Variants in CPXM2 observed in about 807,000 individuals in gnomAD.
CPXM2 encodes carboxypeptidase X, M14 family member 2, also known as inactive carboxypeptidase-like protein X2.
A neutral mutation model predicts 86.1 loss-of-function variants in CPXM2; 66 were observed. The ratio of observed to expected loss-of-function variants is 0.77; its 90% CI spans 0.63 to 0.94. CPXM2 has a LOEUF of 0.94. CPXM2 is among the 40% of genes least tolerant of loss of function. CPXM2 has a pLI of 0.00. For synonymous variants in CPXM2, 388 were observed against 400.2 expected, an observed-to-expected ratio of 0.97 and a Z score of 0.36; for missense variants, 948 against 1,026.3, an observed-to-expected ratio of 0.92 and a Z score of 1.04.
chr10:123,884,408 G>A (rs1043525494), intron 1 of CPXM2, among the ~76,000 whole-genome samples: 3 of 152,180 alleles, frequency 2.0e-5, no homozygotes, highest in African/African-American at 2.4e-5. Context: ...AGTGAGAAAC[G>A]CCTGCTCTGT....
At chr10:123,922,888 C>T (rs1214595642) in intron 2 of CPXM2, among the ~76,000 whole-genome samples, 3 of 152,224 alleles carry the variant, frequency 2.0e-5, no homozygotes, top group Non-Finnish European at 4.4e-5. Flanking sequence ...GCCAACGTAT[C>T]ACCCACAGAT....
chr10:123,908,524 T>C (rs1307772601), intron 2 of CPXM2, among the ~76,000 whole-genome samples: 2 of 152,032 alleles, frequency 1.3e-5, no homozygotes, highest in Non-Finnish European at 2.9e-5. Flanking sequence ...TGCAGCCTAG[T>C]AGGGAGACAG....
rs1945160781 is a variant in CPXM2, at chr10:123,885,190, A to G, written c.305-4881T>C. The stretch of plus-strand genomic sequence containing the variant: ...TGTTGTCTGGCAGGACTCAACGGGG[A>G]CTCAACCTGGCTGGGGACTCAGGGT... On this transcript the variant is annotated intron_variant, in intron 1 of 13. Coordinates refer to ENST00000241305, the MANE Select transcript of CPXM2 (RefSeq NM_198148.3). This position sits in a 1 kb window ranked among gnomAD's most constrained non-coding sequence, Gnocchi z 4.0. 6.6e-6 allele frequency among the ~76,000 whole-genome samples: 1 copy of G among 151,736 alleles called. No homozygotes were observed. The highest frequency in any genetic ancestry group is 1.5e-5 in the Non-Finnish European group (1 of 67,948).
chr10:123,852,017 G>A (rs556074525), intron 3 of CPXM2, among the ~76,000 whole-genome samples: 3 of 152,210 alleles, frequency 2.0e-5, no homozygotes, highest in Non-Finnish European at 2.9e-5. Context: ...GCCACCAGAC[G>A]CTGGAAAGGG....
rs376940141 is a variant in CPXM2 at position 123,762,047 on chromosome 10, C to T, written c.1602G>A (p.Trp534Ter). 2.1e-4 allele frequency: 333 copies of T among 1,613,892 alleles called. No homozygotes were observed. Among genetic ancestry groups the T allele is most frequent in the Non-Finnish European group, 2.7e-4 (313 of 1,179,986 alleles). Residue 534 changes from tryptophan (W) to a stop codon, truncating the protein, a stop_gained, in exon 11 of 14, where the codon TGG becomes TGA. Transcript: ENST00000241305. LOFTEE classifies it high-confidence loss of function. ...GGGTGGGGGTGTGTTCCTGCGTCTT[C>T]CAGGGGGACCGCACCAGGTCGTAGG... ...AYPYDLVRSPWKTQEHTPTPD... is the reference protein window; with the variant it reads ...AYPYDLVRSP
intron 4 of CPXM2, among the ~76,000 whole-genome samples, chr10:123,841,311 G>A (rs11248299): frequency 0.3 from 46,273 of 151,990 alleles, 8,069 homozygotes; most frequent in African/African-American, 0.47. Context: ...CTGAGCCGCC[G>A]CGGTCGACAG....
At chr10:123,759,718 G>A (rs1846291241) in intron 11 of CPXM2, among the ~76,000 whole-genome samples, 1 of 152,202 alleles carries the variant, frequency 6.6e-6, no homozygotes, top group Admixed American at 6.5e-5. Flanking sequence ...AGCAGGGAAG[G>A]CACAGCCGCA....
Position 123,746,651 on chromosome 10 carries a change from C to T in CPXM2, c.*113G>A. 5 of 1,048,402 alleles carry T rather than the reference C, an allele frequency of 4.8e-6. No individual in the cohort carries two copies. Among genetic ancestry groups the T allele is most frequent in the Non-Finnish European group, 5.6e-6 (4 of 712,796 alleles). The allele number at this position is 1,048,402 out of a possible 1,614,324, so 64.9% of individuals were successfully genotyped here. On this transcript the variant is annotated 3_prime_UTR_variant, in exon 14 of 14. Transcript: ENST00000241305. ...CTGCCTCACAATGCACCCTCTCTTC[C>T]AGGCACTTCTTGAATTACAGAGGAA...
intron 9 of CPXM2, among the ~76,000 whole-genome samples, chr10:123,768,116 G>A (rs1846528998): frequency 1.3e-5 from 2 of 152,128 alleles, no homozygotes; most frequent in Non-Finnish European, 2.9e-5. Context: ...GGCCAGGCAC[G>A]GTGGCTTACA....
intron 6 of CPXM2, among the ~76,000 whole-genome samples, chr10:123,796,306 T>C (rs1847334397): frequency 6.6e-6 from 1 of 152,210 alleles, no homozygotes; most frequent in African/African-American, 2.4e-5. Flanking sequence ...GCAATAAGAA[T>C]GTTCTCTGTG....
chr10:123,849,889 A>T (rs985792575), intron 3 of CPXM2, among the ~76,000 whole-genome samples: 3 of 152,174 alleles, frequency 2.0e-5, no homozygotes, highest in Admixed American at 1.3e-4. Context: ...CCAGACCAAG[A>T]TGTAGACCAT....
chr10:123,843,958 G>A (rs1270799967), intron 3 of CPXM2, among the ~76,000 whole-genome samples: 1 of 152,172 alleles, frequency 6.6e-6, no homozygotes, highest in Non-Finnish European at 1.5e-5. Context: ...TTGCCAGCCT[G>A]AATATTTTGT....
intron 3 of CPXM2, among the ~76,000 whole-genome samples, chr10:123,843,435 T>TTTC (rs1848430541): frequency 7.1e-6 from 1 of 140,488 alleles, no homozygotes; most frequent in African/African-American, 2.8e-5. Flanking sequence ...CAGAGCTATT[T>TTTC]TTTTTTTTTT....
chr10:123,908,221 G>A (rs74162971), intron 2 of CPXM2, among the ~76,000 whole-genome samples: 2,553 of 151,858 alleles, frequency 0.017, 78 homozygotes, highest in African/African-American at 0.058. Flanking sequence ...TGGAGTGGCC[G>A]CAGGTGGGAA....
intron 2 of CPXM2, among the ~76,000 whole-genome samples, chr10:123,929,396 C>G (rs1299980941): frequency 6.6e-6 from 1 of 152,224 alleles, no homozygotes; most frequent in African/African-American, 2.4e-5. Flanking sequence ...TGGTCAGCAC[C>G]ACTGATGGCT....
At chr10:123,833,862 G>A (rs1848220211) in intron 4 of CPXM2, among the ~76,000 whole-genome samples, 1 of 152,166 alleles carries the variant, frequency 6.6e-6, no homozygotes, top group African/African-American at 2.4e-5. Flanking sequence ...CACGAGAATA[G>A]GACCCTCTAC....
At chr10:123,879,077 G>A (rs945314855) in intron 2 of CPXM2, among the ~76,000 whole-genome samples, 4 of 152,182 alleles carry the variant, frequency 2.6e-5, no homozygotes, top group Non-Finnish European at 4.4e-5. Context: ...CTTTAAGAAG[G>A]AATATACTTT....
chr10:123,753,393 C>A (rs1846124805), intron 13 of CPXM2, among the ~76,000 whole-genome samples: 1 of 152,178 alleles, frequency 6.6e-6, no homozygotes, highest in Non-Finnish European at 1.5e-5. Context: ...AAGAACAGGG[C>A]AGAGTCCTCT....
At chr10:123,801,186 A>G (rs1457225525) in intron 4 of CPXM2, among the ~76,000 whole-genome samples, 3 of 152,190 alleles carry the variant, frequency 2.0e-5, no homozygotes, top group African/African-American at 7.2e-5. Flanking sequence ...TAATTAAATC[A>G]TGGGGGCAGG....
Sources: gnomAD v4.1 joint callset for allele counts (sites outside exome capture counted in the v4.1 genomes callset) on GRCh38, gnomAD v4.1.1 for gene constraint, Gnocchi (gnomAD v3.1) non-coding constraint, MANE v1.5 for transcripts, NCBI Gene and HGNC (gene_info 2026-07-23, HGNC 2026-07-21) for gene names.